KCNQ5: variants seen among roughly 807,000 people sequenced by gnomAD.
The protein encoded by KCNQ5 is potassium voltage-gated channel subfamily Q member 5, also known as potassium voltage-gated channel subfamily KQT member 5.
Under a neutral mutation model 98.2 loss-of-function variants are expected in KCNQ5, and 30 were observed. That is an observed-to-expected ratio of 0.31 (90% confidence interval 0.23 to 0.41). The LOEUF (loss-of-function observed/expected upper bound fraction) is 0.41. KCNQ5 is among the 10% of genes least tolerant of loss of function. The pLI is 1.00. For synonymous variants in KCNQ5, 458 were observed against 449.4 expected (o/e 1.02, Z -0.24); for missense variants, 835 against 1,182.5 (o/e 0.71, Z 4.31).
At chr6:73,059,874 C>T (rs1178484117) in intron 3 of KCNQ5, among the ~76,000 whole-genome samples, 2 of 152,056 alleles carry the variant, frequency 1.3e-5, no homozygotes, top group African/African-American at 4.8e-5. Flanking sequence ...AAAGCCAATA[C>T]TGTACAAATT....
chr6:72,946,390 G>A lies in KCNQ5; in HGVS notation c.399-57518G>A, dbSNP rs1172299094. ...TTCATTTTATGATATACCTTTTAAA[G>A]ACATCATCATCATCAAATAATATTT... On this transcript the variant is annotated intron_variant, in intron 1 of 13. Coordinates refer to ENST00000370398, the MANE Select transcript of KCNQ5 (RefSeq NM_019842.4). Among the ~76,000 whole-genome samples, 6 of 152,202 alleles carry A rather than the reference G, an allele frequency of 3.9e-5. No individual in the cohort carries two copies. In the South Asian group the frequency reaches 1.2e-3, roughly 32 times the overall value.
At chr6:72,899,727 C>A (rs1317202168) in intron 1 of KCNQ5, among the ~76,000 whole-genome samples, 2 of 151,980 alleles carry the variant, frequency 1.3e-5, no homozygotes, top group African/African-American at 4.8e-5. Context: ...GTGGTGATTT[C>A]TGAGATTTTG....
intron 1 of KCNQ5, among the ~76,000 whole-genome samples, chr6:72,802,016 C>T (rs921389286): frequency 5.4e-4 from 82 of 152,228 alleles, no homozygotes; most frequent in Non-Finnish European, 9.9e-4. Flanking sequence ...TGATGGGCTT[C>T]CCTTTGAGGG....
chr6:72,823,636 C>T (rs187610734), intron 1 of KCNQ5, among the ~76,000 whole-genome samples: 71 of 152,260 alleles, frequency 4.7e-4, no homozygotes, highest in African/African-American at 1.6e-3. Flanking sequence ...GGGGCTCACT[C>T]GGGTTCCTGA....
At chr6:72,746,064 C>CAAAAAAAA (rs59726566) in intron 1 of KCNQ5, among the ~76,000 whole-genome samples, 25 of 80,206 alleles carry the variant, frequency 3.1e-4, no homozygotes, top group African/African-American at 8.7e-4. Context: ...ACTCTATTTG[C>CAAAAAAAA]AAAAAAAAAA....
intron 3 of KCNQ5, among the ~76,000 whole-genome samples, chr6:73,063,256 A>C (rs528715313): frequency 4.6e-5 from 7 of 152,326 alleles, no homozygotes; most frequent in Non-Finnish European, 7.4e-5. Context: ...GGAATTGATA[A>C]TGAAAAGAAA....
chr6:73,130,986 T>G (rs569691917), intron 9 of KCNQ5, among the ~76,000 whole-genome samples: 12 of 152,146 alleles, frequency 7.9e-5, no homozygotes, highest in Non-Finnish European at 1.2e-4. Context: ...TTAGCAAATA[T>G]CCATGTAGTT....
At chr6:73,039,229 A>G (rs1771580545) in intron 2 of KCNQ5, among the ~76,000 whole-genome samples, 1 of 152,150 alleles carries the variant, frequency 6.6e-6, no homozygotes, top group African/African-American at 2.4e-5. Flanking sequence ...AGCTTTCAAG[A>G]AAGAGATTTA....
chr6:72,763,374 A>C (rs1772386538), intron 1 of KCNQ5, among the ~76,000 whole-genome samples: 3 of 152,078 alleles, frequency 2.0e-5, no homozygotes, highest in Admixed American at 6.6e-5. Flanking sequence ...TACAGGTTCA[A>C]GAACCTATTT....
chr6:72,866,189 A>AT (rs1329687017), intron 1 of KCNQ5, among the ~76,000 whole-genome samples: 66 of 151,560 alleles, frequency 4.4e-4, no homozygotes, highest in African/African-American at 1.5e-3. Flanking sequence ...TCATGTTTGC[A>AT]ACTTTATTAT....
At position 72,884,504 on chromosome 6, in the gene KCNQ5, G is replaced by A. The variant is rs77854627; in HGVS notation, c.399-119404G>A. On this transcript the variant is annotated intron_variant, in intron 1 of 13. Coordinates refer to ENST00000370398, the MANE Select transcript of KCNQ5 (RefSeq NM_019842.4). ...AGTATTGTGTATGCATAGAGGGTCCGTCCTCAGAGATACATCCTCACTTTC... is the reference window on the plus strand; with the variant it reads ...AGTATTGTGTATGCATAGAGGGTCCATCCTCAGAGATACATCCTCACTTTC... Among the ~76,000 whole-genome samples the A allele has an allele frequency of 8.3e-3, 1,259 of 152,244 alleles. 33 individuals carry two copies. Among genetic ancestry groups the A allele is most frequent in the African/African-American group, 0.029 (1,186 of 41,538 alleles).
At position 72,712,188 on chromosome 6, in the gene KCNQ5, A is replaced by G. The variant is rs1769405030; in HGVS notation, c.398+89601A>G. Among the ~76,000 whole-genome samples, 3 of 152,216 alleles carry G rather than the reference A, an allele frequency of 2.0e-5. No individual in the cohort carries two copies. The South Asian group carries it at 6.2e-4, about 31-fold the overall frequency. ...TAGATTACCTAGGAAAGAGTTTGAC[A>G]TAAAATGAGAAACAGATCTAGAATA... On this transcript the variant is annotated intron_variant, in intron 1 of 13. Coordinates refer to ENST00000370398, the MANE Select transcript of KCNQ5 (RefSeq NM_019842.4).
At chr6:73,042,120 T>A in intron 3 of KCNQ5, 58 bp downstream of exon 3, 1 of 1,593,832 alleles carries the variant, frequency 6.3e-7, no homozygotes, top group Non-Finnish European at 8.6e-7. Flanking sequence ...GTCTTCTATC[T>A]CCTGTTTTGC....
chr6:72,854,921 C>A (rs1394106556), intron 1 of KCNQ5, among the ~76,000 whole-genome samples: 1 of 151,924 alleles, frequency 6.6e-6, no homozygotes, highest in African/African-American at 2.4e-5. Flanking sequence ...GTGTCCCTGG[C>A]CTCACTGAGC....
intron 1 of KCNQ5, among the ~76,000 whole-genome samples, chr6:72,889,433 C>T (rs1462591917): frequency 6.6e-6 from 1 of 152,132 alleles, no homozygotes; most frequent in Non-Finnish European, 1.5e-5. Flanking sequence ...GAAATGTATT[C>T]AAGTAAAGAC....
At chr6:72,643,436 G>A (rs1198659375) in intron 1 of KCNQ5, among the ~76,000 whole-genome samples, 1 of 152,060 alleles carries the variant, frequency 6.6e-6, no homozygotes, top group African/African-American at 2.4e-5. Context: ...CTGCTGTTCA[G>A]CCACATTAAA....
At position 73,021,549 on chromosome 6, in the gene KCNQ5, G is replaced by A. The variant is rs556429453; in HGVS notation, c.489+17551G>A. ...AGCTCCCTAAGAGTGGACCCTTATT[G>A]TTTTGTTCATCACTTTAGCCCCAGT... On this transcript the variant is annotated intron_variant, in intron 2 of 13. Transcript: ENST00000370398. 8.1e-4 allele frequency among the ~76,000 whole-genome samples: 123 copies of A among 152,160 alleles called. 1 individual carries two copies. The South Asian group carries it at 0.025, about 30-fold the overall frequency.
At chr6:72,687,835 CT>C (rs531246586) in intron 1 of KCNQ5, among the ~76,000 whole-genome samples, 12,848 of 135,722 alleles carry the variant, frequency 0.095, 1,001 homozygotes, top group African/African-American at 0.24. Flanking sequence ...TTATTGATCC[CT>C]TTTTTTTTTT....
rs540386110 is a variant in KCNQ5, at chr6:73,160,482, G to C, written c.1469-9264G>C. Among the ~76,000 whole-genome samples, 9 of 152,326 alleles carry C rather than the reference G, an allele frequency of 5.9e-5. No homozygotes were observed. In the South Asian group the frequency reaches 1.4e-3, roughly 25 times the overall value. On this transcript the variant is annotated intron_variant, in intron 10 of 13. Transcript: ENST00000370398. ...GAAGACAATGACTGGAATTCAGCAG[G>C]CTGAGGCCTTCAAGCTCAATTAAAG...
Sources: gnomAD v4.1 joint callset for allele counts (sites outside exome capture counted in the v4.1 genomes callset) on GRCh38, gnomAD v4.1.1 for gene constraint, MANE v1.5 for transcripts, NCBI Gene and HGNC (gene_info 2026-07-23, HGNC 2026-07-21) for gene names.